Variants in GRID1 observed in about 807,000 individuals in gnomAD.
GRID1 encodes glutamate receptor ionotropic, delta-1.
GRID1 carries 28 observed loss-of-function variants against 98.0 expected under a neutral mutation model. That is an observed-to-expected ratio of 0.29 (90% CI 0.21 to 0.39). The LOEUF is 0.39. Ranked by LOEUF, GRID1 falls within the 10% of genes least tolerant of loss-of-function variation. The pLI, the probability that GRID1 is intolerant of heterozygous loss-of-function variation, is 1.00. For synonymous variants in GRID1, 553 were observed against 538.5 expected (o/e 1.03, Z -0.37); for missense variants, 1,111 against 1,340.5 (o/e 0.83, Z 2.67).
At chr10:85,647,467 C>G in intron 12 of GRID1, 70 bp from the exon 13 acceptor site, 2 of 1,196,624 alleles carry the variant, frequency 1.7e-6, no homozygotes, top group Non-Finnish European at 2.4e-6. Context: ...TACAAATGGG[C>G]TGCAAGGCCC....
chr10:86,062,964 G>C (rs922342778), intron 4 of GRID1, among the ~76,000 whole-genome samples: 10 of 152,230 alleles, frequency 6.6e-5, no homozygotes, highest in African/African-American at 2.4e-4. Flanking sequence ...AGGTCTTCAG[G>C]GTGGTGGGTC....
At chr10:85,885,000 T>C (rs1037092281) in intron 5 of GRID1, among the ~76,000 whole-genome samples, 1 of 152,186 alleles carries the variant, frequency 6.6e-6, no homozygotes, top group African/African-American at 2.4e-5. Context: ...CCTTATACCA[T>C]ACTTAATAAA....
intron 3 of GRID1, among the ~76,000 whole-genome samples, chr10:86,188,491 A>C (rs1396792837): frequency 3.3e-5 from 5 of 152,198 alleles, no homozygotes; most frequent in Non-Finnish European, 7.4e-5. Context: ...CCGCTGTCTA[A>C]GCCTAGAAAC....
chr10:86,290,018 C>G (rs866588992), intron 2 of GRID1, among the ~76,000 whole-genome samples: 2 of 152,328 alleles, frequency 1.3e-5, no homozygotes, highest in Middle Eastern at 6.8e-3. Context: ...AAAGCAAGAG[C>G]AGAAGGCGTA....
intron 3 of GRID1, among the ~76,000 whole-genome samples, chr10:86,159,589 T>G (rs1011088966): frequency 1.3e-5 from 2 of 152,190 alleles, no homozygotes; most frequent in Admixed American, 1.3e-4. Flanking sequence ...CCACCTAAGA[T>G]GCACTTCTCA....
intron 5 of GRID1, among the ~76,000 whole-genome samples, chr10:85,914,945 T>C (rs1841592230): frequency 6.6e-6 from 1 of 152,130 alleles, no homozygotes; most frequent in African/African-American, 2.4e-5. Context: ...TCAAAGGATA[T>C]GTGGGCAGAG....
At chr10:86,283,185 A>G (rs1847380132) in intron 2 of GRID1, among the ~76,000 whole-genome samples, 1 of 152,026 alleles carries the variant, frequency 6.6e-6, no homozygotes, top group Non-Finnish European at 1.5e-5. Flanking sequence ...CTTTGGCACC[A>G]TCTCCTCCAG....
chr10:85,617,543 C>G (rs1200305222), intron 14 of GRID1, among the ~76,000 whole-genome samples: 1 of 152,052 alleles, frequency 6.6e-6, no homozygotes, highest in Non-Finnish European at 1.5e-5. Context: ...TTTAAAGAAC[C>G]ACTGGCATCA....
At chr10:86,331,750 C>G (rs1382206830) in intron 2 of GRID1, among the ~76,000 whole-genome samples, 1 of 152,222 alleles carries the variant, frequency 6.6e-6, no homozygotes, top group Non-Finnish European at 1.5e-5. Context: ...TTTCCATTTC[C>G]TCATCTGCAG....
chr10:85,895,941 C>G lies in GRID1; in HGVS notation c.780+20245G>C, dbSNP rs954524973. ...GAGAAACATCTCTCTGGGGGAAAAA[C>G]GAACATGGACATGTTGTCACTCCCA... On this transcript the variant is annotated intron_variant, in intron 5 of 15. Coordinates refer to ENST00000327946, the MANE Select transcript of GRID1 (RefSeq NM_017551.3). Among the ~76,000 whole-genome samples the G allele has an allele frequency of 2.6e-5, 4 of 151,802 alleles. No individual in the cohort carries two copies. The South Asian group carries it at 6.3e-4, about 24-fold the overall frequency.
intron 2 of GRID1, among the ~76,000 whole-genome samples, chr10:86,250,440 A>G (rs1035668138): frequency 2.0e-5 from 3 of 152,262 alleles, no homozygotes; most frequent in African/African-American, 7.2e-5. Context: ...TGTATTCATC[A>G]GCCAAGAGAA....
chr10:85,935,317 C>T (rs1237229857), intron 4 of GRID1, among the ~76,000 whole-genome samples: 1 of 152,174 alleles, frequency 6.6e-6, no homozygotes, highest in Non-Finnish European at 1.5e-5. Flanking sequence ...GAGAGGTCAC[C>T]TGAAGAAGGT....
intron 2 of GRID1, among the ~76,000 whole-genome samples, chr10:86,238,261 T>C (rs1367494536): frequency 6.6e-6 from 1 of 152,152 alleles, no homozygotes; most frequent in African/African-American, 2.4e-5. Context: ...CCTGGAGGCC[T>C]AGGAGGGAAG....
intron 13 of GRID1, among the ~76,000 whole-genome samples, chr10:85,645,085 C>T (rs574244247): frequency 6.6e-6 from 1 of 152,160 alleles, no homozygotes; most frequent in Non-Finnish European, 1.5e-5. Flanking sequence ...AGTGTGTGAC[C>T]TACCTTTCTA....
intron 2 of GRID1, among the ~76,000 whole-genome samples, chr10:86,357,383 G>A (rs190690721): frequency 3.3e-5 from 5 of 152,306 alleles, no homozygotes; most frequent in Admixed American, 6.5e-5. Flanking sequence ...AGTATGACCC[G>A]TGGCCTCTCC....
rs146315107 is a variant in GRID1 at position 85,828,895 on chromosome 10, A to G, written c.1233+25601T>C. Among the ~76,000 whole-genome samples, 7 of 152,328 alleles carry G rather than the reference A, an allele frequency of 4.6e-5. No homozygotes were observed. The East Asian group carries it at 1.3e-3, about 29-fold the overall frequency. ...ACCAGGTGTATAAAGAAGAGCTGGT[A>G]ATATTGCTACTGAAACTATTCCAAA... On this transcript the variant is annotated intron_variant, in intron 8 of 15. Coordinates refer to ENST00000327946, the MANE Select transcript of GRID1 (RefSeq NM_017551.3).
At chr10:86,076,153 A>G (rs1173299351) in intron 4 of GRID1, among the ~76,000 whole-genome samples, 1 of 152,264 alleles carries the variant, frequency 6.6e-6, no homozygotes, top group Non-Finnish European at 1.5e-5. Flanking sequence ...CATGGGTAGG[A>G]CATGGGCAAA....
At chr10:86,306,902 C>A (rs946114959) in intron 2 of GRID1, among the ~76,000 whole-genome samples, 5 of 152,166 alleles carry the variant, frequency 3.3e-5, no homozygotes, top group Non-Finnish European at 7.3e-5. Context: ...GTTGGTATAC[C>A]TAACACTGCA....
At chr10:86,189,200 C>G (rs528113322) in intron 3 of GRID1, among the ~76,000 whole-genome samples, 1 of 152,298 alleles carries the variant, frequency 6.6e-6, no homozygotes, top group African/African-American at 2.4e-5. Context: ...ACCAGACTCA[C>G]TGTCATTCCT....
Sources: gnomAD v4.1 joint callset for allele counts (sites outside exome capture counted in the v4.1 genomes callset) on GRCh38, gnomAD v4.1.1 for gene constraint, MANE v1.5 for transcripts, NCBI Gene and HGNC (gene_info 2026-07-23, HGNC 2026-07-21) for gene names.